The following RTL5 variants were observed in gnomAD, a reference collection of about 807,000 sequenced individuals.
RTL5 encodes retrotransposon Gag-like protein 5.
In RTL5, 8 loss-of-function variants were observed where a neutral mutation model predicts 7.7. That is an observed-to-expected ratio of 1.04 (90% CI 0.61 to 1.88). The LOEUF is 1.88. RTL5 is among the 40% of genes most tolerant of loss of function. RTL5 has a pLI of 0.00. For missense variants in RTL5, 457 were observed against 472.7 expected, an observed-to-expected ratio of 0.97 and a Z score of 0.31; for synonymous variants, 188 against 191.8, an observed-to-expected ratio of 0.98 and a Z score of 0.16.
exon 1 of RTL5, chrX:72,131,078 G>A: frequency 8.3e-7 from 1 of 1,209,839 alleles, no homozygotes; most frequent in African/African-American, 1.7e-5. Context: ...CCTGAAAAGG[G>A]CTCTATCTCA....
chrX:72,130,073 C>A (rs200189694), exon 1 of RTL5: 8 of 1,208,927 alleles, frequency 6.6e-6, no homozygotes, highest in Admixed American at 6.6e-5. Context: ...AAGTTTTCGG[C>A]GTGGTAACCA....
chrX:72,130,024 C>T (rs771936813), exon 1 of RTL5: 2 of 1,209,210 alleles, frequency 1.7e-6, no homozygotes, highest in East Asian at 3.0e-5. Context: ...CTGGTTCCTC[C>T]GTCTGCTAGG....
chrX:72,131,076 G>A (rs2042290369), exon 1 of RTL5: 2 of 1,207,550 alleles, frequency 1.7e-6, no homozygotes, highest in African/African-American at 1.8e-5. Context: ...CTCCTGAAAA[G>A]GGCTCTATCT....
At chrX:72,130,965 G>A in exon 1 of RTL5, 1 of 1,211,701 alleles carries the variant, frequency 8.3e-7, no homozygotes, top group South Asian at 1.8e-5. Context: ...TGAAAAAGGA[G>A]ATCAGAAAGG....
chrX:72,130,097 A>C, exon 1 of RTL5: 1 of 1,211,139 alleles, frequency 8.3e-7, no homozygotes, highest in Admixed American at 2.2e-5. Flanking sequence ...GTGGGGCCAG[A>C]AGTCTGGGAT....
exon 1 of RTL5, chrX:72,128,694 C>G (rs773852901): frequency 8.9e-6 from 1 of 112,852 alleles, no homozygotes; most frequent in South Asian, 3.6e-4. Flanking sequence ...TCTCTCCTCT[C>G]AGAACTAAGG....
Position 72,130,766 on chromosome X carries a change from G to GA in RTL5, c.774dup (p.Gln259SerfsTer11). 8.3e-7 allele frequency: 1 copy of GA among 1,211,885 alleles called. No individual in the cohort carries two copies. Among genetic ancestry groups the GA allele is most frequent in the Non-Finnish European group, 1.1e-6 (1 of 895,425 alleles). On this transcript the variant is annotated frameshift_variant, in exon 1 of 1. Transcript: ENST00000609883. LOFTEE classifies it low-confidence loss of function (END_TRUNC). ...CAAGACAAGAATTGGGCCAGGAACTGAAAAGCATCTGCATAGCTGCCGAGG... is the reference window on the plus strand; with the variant it reads ...CAAGACAAGAATTGGGCCAGGAACTGAAAAAGCATCTGCATAGCTGCCGAGG...
chrX:72,129,658 G>A (rs1019059041), exon 1 of RTL5: 32 of 482,764 alleles, frequency 6.6e-5, no homozygotes, highest in South Asian at 3.6e-5. Context: ...GGCACACGTC[G>A]CTCTCTGGTC....
At position 72,131,636 on chromosome X, in the gene RTL5, G is replaced by C. The variant is rs1201132325; in HGVS notation, c.-96C>G. The C allele has an allele frequency of 1.0e-5, 9 of 895,803 alleles. No individual in the cohort carries two copies. The South Asian group carries it at 2.1e-4, about 21-fold the overall frequency. The allele number at this position is 895,803 out of a possible 1,213,427, so 73.8% of individuals were successfully genotyped here. On this transcript the variant is annotated 5_prime_UTR_variant, in exon 1 of 1. Coordinates refer to ENST00000609883, the Ensembl canonical transcript of RTL5. ...AGGCCGAAATGCGGCGGCGGGGCTCGGGAGGGACCGAAGTGCGGCAGCGGG... is the reference window on the plus strand; with the variant it reads ...AGGCCGAAATGCGGCGGCGGGGCTCCGGAGGGACCGAAGTGCGGCAGCGGG...
exon 1 of RTL5, chrX:72,131,248 C>T (rs750540388): frequency 1.2e-5 from 15 of 1,200,855 alleles, no homozygotes; most frequent in Non-Finnish European, 1.2e-5. Flanking sequence ...ATCCGAGATA[C>T]AGTCGGGCTC....
chrX:72,128,854 G>A (rs1306595528), exon 1 of RTL5: 1 of 113,239 alleles, frequency 8.8e-6, no homozygotes, highest in East Asian at 2.8e-4. Context: ...TCCAAGGCCT[G>A]GCAAGGGGAG....
exon 1 of RTL5, chrX:72,130,096 G>A (rs987051099): frequency 8.3e-7 from 1 of 1,211,348 alleles, no homozygotes; most frequent in Non-Finnish European, 1.1e-6. Flanking sequence ...TGTGGGGCCA[G>A]AAGTCTGGGA....
At chrX:72,131,697 G>A in exon 1 of RTL5, 1 of 454,413 alleles carries the variant, frequency 2.2e-6, no homozygotes, top group Non-Finnish European at 3.3e-6. Context: ...ACCGGGGCGA[G>A]CTCGGAGGGC....
exon 1 of RTL5, chrX:72,131,031 T>C: frequency 8.3e-7 from 1 of 1,210,875 alleles, no homozygotes; most frequent in Non-Finnish European, 1.1e-6. Context: ...TGAAGGTCTC[T>C]AGCTGCATCA....
exon 1 of RTL5, chrX:72,130,835 C>T (rs1429162790): frequency 8.3e-7 from 1 of 1,211,725 alleles, no homozygotes; most frequent in Non-Finnish European, 1.1e-6. Flanking sequence ...TTTTTAGCCA[C>T]ACGTGGGGGG....
exon 1 of RTL5, chrX:72,130,484 G>A (rs369686441): frequency 1.4e-5 from 17 of 1,208,107 alleles, no homozygotes; most frequent in Middle Eastern, 2.3e-4. Context: ...CTGTGCCTGC[G>A]TGCCTCTTGG....
At chrX:72,131,113 G>T in exon 1 of RTL5, 1 of 1,205,556 alleles carries the variant, frequency 8.3e-7, no homozygotes, top group Non-Finnish European at 1.1e-6. Flanking sequence ...TGCCAGAGGG[G>T]GTTGCGGGGG....
rs753322291 is a variant in RTL5 at position 72,130,347 on chromosome X, TTCC to T, written c.1191_1193del (p.Glu400del). 1.6e-4 allele frequency: 189 copies of T among 1,156,510 alleles called. No individual in the cohort carries two copies. In the African/African-American group the frequency reaches 2.1e-3, roughly 13 times the overall value. On this transcript the variant is annotated inframe_deletion, in exon 1 of 1. Transcript: ENST00000609883. ...CCTCCTCTTTCTGTTTCATTTCCTCTTCCTCCTCCTCCTCCTTCTCTTCCTTCT... is the reference window on the plus strand; with the variant it reads ...CCTCCTCTTTCTGTTTCATTTCCTCTTCCTCCTCCTCCTTCTCTTCCTTCT...
At chrX:72,131,881 G>A, upstream of RTL5, 1 of 377,678 alleles carries the variant, frequency 2.6e-6, no homozygotes, top group Non-Finnish European at 4.5e-6. Flanking sequence ...GGCGAGCGGA[G>A]CGGGAGGGAG....
Sources: gnomAD v4.1 joint callset for allele counts on GRCh38, gnomAD v4.1.1 for gene constraint, MANE v1.5 for transcripts, NCBI Gene and HGNC (gene_info 2026-07-23, HGNC 2026-07-21) for gene names.